SMYD4: variants seen among roughly 807,000 people sequenced by gnomAD.
SMYD4 encodes the protein SET and MYND domain containing 4.
A neutral mutation model predicts 72.8 loss-of-function variants in SMYD4; 68 were observed. The observed-to-expected ratio is 0.93, with a 90% confidence interval of 0.77 to 1.14. The LOEUF is 1.14. Among genes scored for constraint, SMYD4 ranks in the 50% most tolerant of loss-of-function variants. The pLI is 0.00. For synonymous variants in SMYD4, 407 were observed against 388.6 expected, an observed-to-expected ratio of 1.05 and a Z score of -0.56; for missense variants, 984 against 1,003.7, an observed-to-expected ratio of 0.98 and a Z score of 0.27.
intron 3 of SMYD4, among the ~76,000 whole-genome samples, chr17:1,805,261 A>G (rs1174342098): frequency 6.6e-6 from 1 of 151,872 alleles, no homozygotes; most frequent in East Asian, 1.9e-4. Context: ...TACTAAAAAT[A>G]CAAAAAAATA....
In SMYD4 at chr17:1,829,820, G is replaced by A. The variant is rs1671133191; in HGVS notation, c.-107C>T. ...TGGTCTCCCTCCCAGCGCCCGCGCA[G>A]CTCCTGGCGCGCCCCTTGGCGCCCC... is the stretch of plus-strand genomic sequence containing the variant. On this transcript the variant is annotated 5_prime_UTR_variant, in exon 1 of 11. Transcript: ENST00000305513. The A allele has an allele frequency of 1.1e-5, 3 of 268,322 alleles. No individual in the cohort carries two copies. The highest frequency in any genetic ancestry group is 2.1e-5 in the Non-Finnish European group (3 of 145,044). 16.6% of individuals were successfully genotyped at this position (268,322 alleles called of 1,614,324 possible). A position where few individuals can be genotyped will look rare whatever the true frequency, so the allele number is the denominator to read the frequency against.
chr17:1,827,813 G>A, intron 2 of SMYD4, 48 bp downstream of exon 2: 1 of 1,572,654 alleles, frequency 6.4e-7, no homozygotes, highest in Non-Finnish European at 8.7e-7. Flanking sequence ...TGACAAAATA[G>A]AACATTTTTT....
At chr17:1,794,103 A>ATTT (rs1909254322) in intron 5 of SMYD4, among the ~76,000 whole-genome samples, 1 of 14,760 alleles carries the variant, frequency 6.8e-5, no homozygotes. Context: ...ATATATATAT[A>ATTT]TATTTTTTTT....
chr17:1,809,004 A>G (rs144256708), intron 3 of SMYD4, among the ~76,000 whole-genome samples: 1 of 152,250 alleles, frequency 6.6e-6, no homozygotes, highest in East Asian at 1.9e-4. Flanking sequence ...TAAACCTGTT[A>G]AAGATTCAGA....
intron 5 of SMYD4, among the ~76,000 whole-genome samples, chr17:1,791,806 G>C (rs753735448): frequency 1.3e-5 from 2 of 152,132 alleles, no homozygotes; most frequent in African/African-American, 4.8e-5. Flanking sequence ...AGGATCGCTT[G>C]AGCCCAGGAG....
At chr17:1,799,260 C>CAA (rs1282407463) in intron 5 of SMYD4, among the ~76,000 whole-genome samples, 3 of 94,750 alleles carry the variant, frequency 3.2e-5, no homozygotes. Flanking sequence ...GACTCCGTCT[C>CAA]AAAAAAAAAA....
At chr17:1,799,715 G>T in intron 5 of SMYD4, 142 bp downstream of exon 5, 1 of 832,210 alleles carries the variant, frequency 1.2e-6, no homozygotes, top group Non-Finnish European at 1.8e-6. Flanking sequence ...TAATGGCATT[G>T]TGACAATAAA....
At chr17:1,808,472 T>C (rs1463285870) in intron 3 of SMYD4, among the ~76,000 whole-genome samples, 1 of 152,210 alleles carries the variant, frequency 6.6e-6, no homozygotes, top group Non-Finnish European at 1.5e-5. Flanking sequence ...ACAGTGCCTA[T>C]CACTGGTTAT....
chr17:1,810,607 G>C (rs9895686), intron 3 of SMYD4, among the ~76,000 whole-genome samples: 51,429 of 152,022 alleles, frequency 0.34, 9,578 homozygotes, highest in African/African-American at 0.5. Context: ...GGGTCCCTGG[G>C]TAGGGCTTCA....
At chr17:1,821,967 G>A (rs1022312209) in intron 2 of SMYD4, among the ~76,000 whole-genome samples, 1 of 150,268 alleles carries the variant, frequency 6.7e-6, no homozygotes, top group Non-Finnish European at 1.5e-5. Context: ...GCTCATGCCT[G>A]TAACCCCAGC....
chr17:1,809,424 G>C (rs1232987270), intron 3 of SMYD4, among the ~76,000 whole-genome samples: 1 of 151,506 alleles, frequency 6.6e-6, no homozygotes, highest in Non-Finnish European at 1.5e-5. Flanking sequence ...GCCCAGGCTG[G>C]AGTGCAGTGG....
intron 5 of SMYD4, among the ~76,000 whole-genome samples, chr17:1,794,009 A>C (rs556802589): frequency 2.7e-5 from 2 of 75,166 alleles, no homozygotes; most frequent in South Asian, 3.5e-4. Context: ...ATATATATGT[A>C]TATATATATA....
rs1001312874 is a variant in SMYD4, at chr17:1,800,944, T to C, written c.450A>G (p.Ala150=). The change falls in exon 5 of 11, where the codon GCA becomes GCG. Residue 150 remains alanine (A), a synonymous_variant. Coordinates refer to ENST00000305513, the MANE Select transcript of SMYD4 (RefSeq NM_052928.3). ...RLQPKIMLRK[A]ECLVALGRLQ... Reference sequence around the variant, plus strand: ...GTCTCCCCAGGGCCACCAGACATTCTGCTTTACGTAACATAATCTTGGGTT... The same window carrying C: ...GTCTCCCCAGGGCCACCAGACATTCCGCTTTACGTAACATAATCTTGGGTT... 1.9e-6 allele frequency: 3 copies of C among 1,614,104 alleles called. No individual in the cohort carries two copies. The African/African-American group carries it at 4.0e-5, about 22-fold the overall frequency.
At chr17:1,823,930 T>C (rs1308627689) in intron 2 of SMYD4, among the ~76,000 whole-genome samples, 4 of 152,200 alleles carry the variant, frequency 2.6e-5, no homozygotes, top group African/African-American at 7.2e-5. Context: ...TTTGAGCCCC[T>C]GAATACAACC....
At chr17:1,829,193 T>A (rs936037375) in intron 1 of SMYD4, among the ~76,000 whole-genome samples, 2 of 151,906 alleles carry the variant, frequency 1.3e-5, no homozygotes, top group African/African-American at 4.8e-5. Flanking sequence ...CATCCTTACT[T>A]GACCCTTGTC....
chr17:1,821,797 G>C (rs1477216939), intron 2 of SMYD4, among the ~76,000 whole-genome samples: 1 of 151,040 alleles, frequency 6.6e-6, no homozygotes, highest in African/African-American at 2.4e-5. Context: ...TGGGTGTGAT[G>C]GCACACACCT....
intron 2 of SMYD4, among the ~76,000 whole-genome samples, chr17:1,812,623 G>A (rs902824893): frequency 3.7e-5 from 5 of 134,956 alleles, no homozygotes; most frequent in African/African-American, 1.1e-4. Flanking sequence ...ATCTCGGCTC[G>A]CTGCAACCTC....
intron 3 of SMYD4, among the ~76,000 whole-genome samples, chr17:1,810,986 C>T (rs928971240): frequency 2.0e-5 from 3 of 152,200 alleles, no homozygotes; most frequent in Non-Finnish European, 4.4e-5. Flanking sequence ...TTAAAGCCCA[C>T]GTGTGATCCG....
chr17:1,811,748 G>A (rs1910338829), intron 3 of SMYD4, among the ~76,000 whole-genome samples: 2 of 152,098 alleles, frequency 1.3e-5, no homozygotes, highest in South Asian at 2.1e-4. Context: ...CCAACATGGC[G>A]AAAACCCATC....
Sources: gnomAD v4.1 joint callset for allele counts (sites outside exome capture counted in the v4.1 genomes callset) on GRCh38, gnomAD v4.1.1 for gene constraint, MANE v1.5 for transcripts, NCBI Gene and HGNC (gene_info 2026-07-23, HGNC 2026-07-21) for gene names.